TSBP1: variants seen among roughly 807,000 people sequenced by gnomAD.
TSBP1 encodes testis-expressed basic protein 1.
A neutral mutation model predicts 68.8 loss-of-function variants in TSBP1; 56 were observed. The ratio of observed to expected loss-of-function variants is 0.81; its 90% CI spans 0.66 to 1.02. The LOEUF (loss-of-function observed/expected upper bound fraction) is 1.02, where lower values mean the gene tolerates loss of function less well. Among genes scored for constraint, TSBP1 ranks in the 50% least tolerant of loss-of-function variants. The pLI, the probability that TSBP1 is intolerant of heterozygous loss-of-function variation, is 0.00. For synonymous variants in TSBP1, 171 were observed against 208.7 expected (o/e 0.82, Z 1.56); for missense variants, 502 against 641.2 (o/e 0.78, Z 2.34).
chr6:32,345,799 C>T (rs1328201025), intron 9 of TSBP1, among the ~76,000 whole-genome samples: 5 of 151,998 alleles, frequency 3.3e-5, no homozygotes, highest in Admixed American at 2.6e-4. Context: ...TTTGAGAGGC[C>T]CTTTCTCGAG....
At chr6:32,354,668 A>G (rs1349255519) in intron 8 of TSBP1, among the ~76,000 whole-genome samples, 4 of 152,148 alleles carry the variant, frequency 2.6e-5, no homozygotes, top group African/African-American at 9.7e-5. Flanking sequence ...TTGAGAATGC[A>G]TCGGTAGTAG....
Position 32,340,782 on chromosome 6 carries a change from G to A in TSBP1, c.350-1144C>T, listed in dbSNP as rs1447060791. On this transcript the variant is annotated intron_variant, in intron 9 of 22. Transcript: ENST00000612031. The surrounding 1 kb of genome is among the most constrained non-coding windows in gnomAD (Gnocchi z 4.8). The stretch of plus-strand genomic sequence containing the variant: ...CTGACCTAAAGTAATATGGAATAAT[G>A]AGGAGAAAGGAATTTTTCTTTCTTT... Among the ~76,000 whole-genome samples, 3 of 148,660 alleles carry A rather than the reference G, an allele frequency of 2.0e-5. No individual in the cohort carries two copies. The highest frequency in any genetic ancestry group is 4.5e-5 in the Non-Finnish European group (3 of 67,200).
At chr6:32,350,125 C>T (rs940316444) in intron 8 of TSBP1, 2 of 549,594 alleles carry the variant, frequency 3.6e-6, no homozygotes, top group African/African-American at 3.8e-5. Flanking sequence ...TTTCCTCCAC[C>T]TCTTCCTCTC....
intron 3 of TSBP1, 72 bp downstream of exon 3, chr6:32,368,710 C>G (rs967422434): frequency 6.2e-6 from 9 of 1,460,662 alleles, no homozygotes; most frequent in Non-Finnish European, 8.5e-6. Context: ...GTAAACAAGA[C>G]AGATTTCTTT....
chr6:32,316,501 G>A lies in TSBP1; in HGVS notation c.560-709C>T. On this transcript the variant is annotated intron_variant, in intron 18 of 22. Transcript: ENST00000612031. This position sits in a 1 kb window ranked among gnomAD's most constrained non-coding sequence, Gnocchi z 4.5. ...GATATTTGTGTTGGGGAGAATCTTG[G>A]TAGTCACACAGCTCTGGATGACAAT... 9.4e-7 allele frequency: 1 copy of A among 1,059,484 alleles called. No homozygotes were observed. The allele number at this position is 1,059,484 out of a possible 1,614,324, so 65.6% of individuals were successfully genotyped here. A position where few individuals can be genotyped will look rare whatever the true frequency, so the allele number is the denominator to read the frequency against.
At chr6:32,358,904 ATTTGT>A (rs1189089891) in intron 6 of TSBP1, among the ~76,000 whole-genome samples, 3 of 88,286 alleles carry the variant, frequency 3.4e-5, no homozygotes, top group African/African-American at 1.1e-4. Context: ...TAGCAGCATG[ATTTGT>A]TTTATTATTA....
chr6:32,332,793 A>G (rs1769199810), intron 14 of TSBP1, among the ~76,000 whole-genome samples: 2 of 151,952 alleles, frequency 1.3e-5, no homozygotes, highest in African/African-American at 4.8e-5. Context: ...AAATTTTTGT[A>G]GAGATGGGGT....
At chr6:32,351,874 A>T (rs954229871) in intron 8 of TSBP1, among the ~76,000 whole-genome samples, 7 of 152,232 alleles carry the variant, frequency 4.6e-5, no homozygotes, top group South Asian at 2.1e-4. Context: ...AAAAATAAAG[A>T]GAATCTTGAA....
chr6:32,332,115 A>G, intron 14 of TSBP1, 61 bp from the exon 16 acceptor site: 2 of 1,288,348 alleles, frequency 1.6e-6, no homozygotes, highest in Admixed American at 1.7e-5. Flanking sequence ...TTTTTCACTA[A>G]TTTTATCCTA....
intron 6 of TSBP1, among the ~76,000 whole-genome samples, chr6:32,358,388 G>A (rs9268303): frequency 0.25 from 38,293 of 151,984 alleles, 5,369 homozygotes; most frequent in East Asian, 0.4. Context: ...TTAATGTGAT[G>A]AACTTTTAAG....
Position 32,343,318 on chromosome 6 carries a change from C to A in TSBP1, c.350-3680G>T. 9.1e-7 allele frequency: 1 copy of A among 1,098,874 alleles called. No individual in the cohort carries two copies. The highest frequency in any genetic ancestry group is 1.2e-6 in the Non-Finnish European group (1 of 815,916). 68.1% of individuals were successfully genotyped at this position (1,098,874 alleles called of 1,614,324 possible). A position where few individuals can be genotyped will look rare whatever the true frequency, so the allele number is the denominator to read the frequency against. ...AAGTTTCAATAATCCATCAATTTCC[C>A]AAAAGTCTTCCCAGAAATAGTGTCC... On this transcript the variant is annotated intron_variant, in intron 9 of 22. Transcript: ENST00000612031. This position sits in a 1 kb window ranked among gnomAD's most constrained non-coding sequence, Gnocchi z 4.3.
At chr6:32,355,569 T>A in intron 7 of TSBP1, 80 bp downstream of exon 7, 1 of 1,544,816 alleles carries the variant, frequency 6.5e-7, no homozygotes. Context: ...AGGATTTCTC[T>A]TTCCTCCAAA....
intron 6 of TSBP1, among the ~76,000 whole-genome samples, chr6:32,363,483 T>C (rs1270407031): frequency 2.0e-5 from 3 of 151,692 alleles, no homozygotes; most frequent in African/African-American, 4.8e-5. Flanking sequence ...TTGCTGATTT[T>C]CTGTAGTGGT....
intron 19 of TSBP1, among the ~76,000 whole-genome samples, chr6:32,310,761 A>ATATATATATATATATTTTTTTTTTTTTTT: frequency 6.9e-6 from 1 of 144,804 alleles, no homozygotes; most frequent in Non-Finnish European, 1.5e-5. Context: ...ATATATATAT[A>ATATATATATATATATTTTTTTTTTTTTTT]TTTTTAATCT....
chr6:32,330,934 G>C (rs1196854557), intron 15 of TSBP1, among the ~76,000 whole-genome samples: 2 of 152,148 alleles, frequency 1.3e-5, no homozygotes, highest in African/African-American at 2.4e-5. Flanking sequence ...AAAGTGCTGG[G>C]ATTACAGGTG....
At chr6:32,345,454 T>A (rs1008795580) in intron 9 of TSBP1, among the ~76,000 whole-genome samples, 1 of 151,902 alleles carries the variant, frequency 6.6e-6, no homozygotes, top group Non-Finnish European at 1.5e-5. Context: ...TTAAGTACAA[T>A]GGGCCATCAA....
chr6:32,312,296 C>T (rs1766484338), intron 19 of TSBP1, among the ~76,000 whole-genome samples: 2 of 152,076 alleles, frequency 1.3e-5, no homozygotes, highest in African/African-American at 4.8e-5. Context: ...ATCCTCTCAG[C>T]CTCAACAGTG....
rs1309665869 is a variant in TSBP1 at position 32,302,327 on chromosome 6, CATCTGTAGTCCCAGCTACTCAGGAGG to C, written c.601+256_601+281del. Among the ~76,000 whole-genome samples the C allele has an allele frequency of 6.6e-6, 1 of 151,980 alleles. No individual in the cohort carries two copies. Among genetic ancestry groups the C allele is most frequent in the Non-Finnish European group, 1.5e-5 (1 of 67,988 alleles). ...AAAGTTAGCCAAGCATGGTGGCACA[CATCTGTAGTCCCAGCTACTCAGGAGG>C]CTGAGGCAGGAGAATTGCTTGAGCC... On this transcript the variant is annotated intron_variant, in intron 20 of 22. Coordinates refer to ENST00000612031, the Ensembl canonical transcript of TSBP1. This position sits in a 1 kb window ranked among gnomAD's most constrained non-coding sequence, Gnocchi z 5.1.
At chr6:32,324,692 C>G in intron 16 of TSBP1, 2 of 1,550,608 alleles carry the variant, frequency 1.3e-6, no homozygotes, top group South Asian at 2.4e-5. Flanking sequence ...GAAAAACAAG[C>G]AAAGATACTT....
Sources: allele counts gnomAD v4.1 joint callset (sites outside exome capture counted in the v4.1 genomes callset), GRCh38; gene constraint gnomAD v4.1.1; non-coding constraint Gnocchi (gnomAD v3.1); transcripts MANE v1.5; gene names NCBI Gene and HGNC (gene_info 2026-07-23, HGNC 2026-07-21).